XPO5: variants seen among roughly 807,000 people sequenced by gnomAD.
The protein encoded by XPO5 is exportin 5.
XPO5 carries 46 observed loss-of-function variants against 160.6 expected under a neutral mutation model. The observed-to-expected ratio is 0.29, with a 90% CI of 0.23 to 0.37. The LOEUF (loss-of-function observed/expected upper bound fraction) is 0.37, where lower values mean the gene tolerates loss of function less well. XPO5 is among the 10% of genes least tolerant of loss of function. The pLI, the probability that XPO5 is intolerant of heterozygous loss-of-function variation, is 1.00. For missense variants in XPO5, 1,090 were observed against 1,463.9 expected (o/e 0.74, Z 4.17); for synonymous variants, 537 against 519.3 (o/e 1.03, Z -0.46).
chr6:43,549,614 T>G (rs1795131761), intron 16 of XPO5, 36 bp from the exon 17 acceptor site: 1 of 1,603,218 alleles, frequency 6.2e-7, no homozygotes, highest in Non-Finnish European at 8.5e-7. Flanking sequence ...GGAGCTGCTT[T>G]TAATATAATA....
At chr6:43,566,663 A>C (rs1388618852) in intron 7 of XPO5, 1 of 428,050 alleles carries the variant, frequency 2.3e-6, no homozygotes, top group Admixed American at 2.4e-5. Context: ...TACAAAAATC[A>C]GTCGGGCATG....
intron 20 of XPO5, among the ~76,000 whole-genome samples, chr6:43,535,859 A>T (rs1321825756): frequency 6.7e-6 from 1 of 149,604 alleles, no homozygotes; most frequent in African/African-American, 2.5e-5. Flanking sequence ...GCAGTGGCTC[A>T]CGCCTGTAAT....
In XPO5 at chr6:43,575,959, C is replaced by A. The variant is rs1417307228; in HGVS notation, c.-95G>T. 4 of 1,272,982 alleles carry A rather than the reference C, an allele frequency of 3.1e-6. No homozygotes were observed. Among genetic ancestry groups the A allele is most frequent in the African/African-American group, 3.1e-5 (2 of 65,478 alleles). 78.9% of individuals were successfully genotyped at this position (1,272,982 alleles called of 1,614,324 possible). The stretch of plus-strand genomic sequence containing the variant: ...GCGAGACCACCCGTTGGTACCGGGC[C>A]GCGGCGGGCGGCGGGGGTGGGAAGC... On this transcript the variant is annotated 5_prime_UTR_variant, in exon 1 of 32. Transcript: ENST00000265351.
In XPO5 at chr6:43,522,832, T is replaced by C. The variant is rs1793281277; in HGVS notation, c.*1036A>G. On this transcript the variant is annotated 3_prime_UTR_variant, in exon 32 of 32. Transcript: ENST00000265351. ...GTAATAACCTCAGGGCCAGGTCCCG[T>C]ATCCATGTCCTCTCTTTACAGGGCC... 9.5e-6 allele frequency: 3 copies of C among 314,842 alleles called. No homozygotes were observed. The highest frequency in any genetic ancestry group is 2.2e-5 in the Non-Finnish European group (3 of 136,656). The allele number at this position is 314,842 out of a possible 1,614,324, so 19.5% of individuals were successfully genotyped here.
intron 27 of XPO5, chr6:43,526,420 G>C (rs1793594909): frequency 2.0e-6 from 1 of 506,936 alleles, no homozygotes. Context: ...GACGATCTCT[G>C]GGAAGAGGTG....
intron 9 of XPO5, 102 bp downstream of exon 9, chr6:43,562,145 G>C: frequency 1.2e-6 from 1 of 840,790 alleles, no homozygotes; most frequent in Non-Finnish European, 1.9e-6. Context: ...TGCCCCATCA[G>C]GCTAAAATCA....
chr6:43,561,709 CCTCT>C (rs1762427645), intron 9 of XPO5: 1 of 153,136 alleles, frequency 6.5e-6, no homozygotes, highest in South Asian at 2.1e-4. Flanking sequence ...CTGAAACTAT[CCTCT>C]CTAACCATTT....
At position 43,549,922 on chromosome 6, in the gene XPO5, C is replaced by T. The variant is rs1795146437; in HGVS notation, c.1741G>A (p.Val581Ile). 1 of 1,612,070 alleles carries T rather than the reference C, an allele frequency of 6.2e-7. No homozygotes were observed. The highest frequency in any genetic ancestry group is 1.7e-5 in the Admixed American group (1 of 59,734). ...PQVFSKLFSS[V>I]TFETVEESKA... ...CTTTCTTCAACAGTTTCAAAAGTGA[C>T]AGATGAAAATAGCTAAGGGAGAGGA... Residue 581 changes from valine (V) to isoleucine (I), a missense_variant, in exon 16 of 32, where the codon GTC becomes ATC. Transcript: ENST00000265351.
chr6:43,539,667 CT>C, intron 20 of XPO5: 1 of 1,056,502 alleles, frequency 9.5e-7, no homozygotes, highest in Non-Finnish European at 1.4e-6. Flanking sequence ...CCACCAGGGC[CT>C]CCAGGCCCCC....
rs1793982947 is a variant in XPO5, at chr6:43,531,590, G to A, written c.2444-15C>T. The A allele has an allele frequency of 1.2e-6, 2 of 1,603,666 alleles. No homozygotes were observed. Among genetic ancestry groups the A allele is most frequent in the African/African-American group, 1.3e-5 (1 of 74,668 alleles). On this transcript the variant is annotated splice_polypyrimidine_tract_variant and intron_variant, in intron 21 of 31. Transcript: ENST00000265351. ...TTGAGGTAATCCTACAGGGAAATAC[G>A]GGTCAAGAACATGATGCTCCACTGT...
chr6:43,531,436 A>G lies in XPO5; in HGVS notation c.2540+43T>C, dbSNP rs201255963. ...ACCCATGGACATTCCTATACAATAC[A>G]TATCGAGGAAGAAAATATGGAGAGG... On this transcript the variant is annotated intron_variant, in intron 22 of 31. Coordinates refer to ENST00000265351, the MANE Select transcript of XPO5 (RefSeq NM_020750.3). The G allele has an allele frequency of 5.4e-4, 838 of 1,556,162 alleles. 3 individuals are homozygous for G. The African/African-American group carries it at 0.01, about 19-fold the overall frequency.
intron 20 of XPO5, chr6:43,538,888 G>A: frequency 1.6e-6 from 2 of 1,279,718 alleles, no homozygotes; most frequent in South Asian, 1.2e-5. Flanking sequence ...TCTTGACGAG[G>A]TGGTCAGTGA....
intron 20 of XPO5, among the ~76,000 whole-genome samples, chr6:43,537,410 G>A (rs1794406144): frequency 6.6e-6 from 1 of 152,080 alleles, no homozygotes; most frequent in Non-Finnish European, 1.5e-5. Flanking sequence ...AACTGAACTG[G>A]TATGAGGTCA....
chr6:43,543,182 T>C (rs986524813), intron 20 of XPO5, among the ~76,000 whole-genome samples: 2 of 152,172 alleles, frequency 1.3e-5, no homozygotes, highest in Non-Finnish European at 2.9e-5. Context: ...GTCAGAATAG[T>C]GGGCTGGGTG....
intron 11 of XPO5, among the ~76,000 whole-genome samples, chr6:43,559,644 C>T (rs941855150): frequency 6.6e-6 from 1 of 152,216 alleles, no homozygotes; most frequent in African/African-American, 2.4e-5. Flanking sequence ...ATTGTATGGT[C>T]ACTGCTCTTG....
chr6:43,553,302 A>G, intron 14 of XPO5, 71 bp downstream of exon 14: 3 of 1,518,544 alleles, frequency 2.0e-6, no homozygotes, highest in Non-Finnish European at 2.7e-6. Flanking sequence ...ATAGCGTCCC[A>G]AAATAGAAAG....
At chr6:43,575,428 G>A (rs985784453) in intron 1 of XPO5, among the ~76,000 whole-genome samples, 5 of 152,118 alleles carry the variant, frequency 3.3e-5, no homozygotes, top group Non-Finnish European at 7.4e-5. Context: ...AGGGGATGTC[G>A]GGCTTGGGGA....
chr6:43,562,020 G>A (rs575562142), intron 9 of XPO5: 3 of 380,726 alleles, frequency 7.9e-6, no homozygotes, highest in South Asian at 6.1e-5. Context: ...AATAATAGAC[G>A]TGGATATCTG....
Position 43,528,196 on chromosome 6 carries a change from G to A in XPO5, c.2785C>T (p.Gln929Ter). ...CTTTGGTTGATAACTTGCCATTTCT[G>A]AGAAAGCCTCTGGGAAAACACAAAG... Reference protein sequence around the residue: ...LFTYLHMRLSQKWQVINQRSL... With the variant: ...LFTYLHMRLS The change falls in exon 25 of 32, where the codon CAG (glutamine) becomes TAG (stop). Residue 929 changes from glutamine to a stop codon, truncating the protein, a stop_gained. Transcript: ENST00000265351. LOFTEE classifies it high-confidence loss of function. 6.3e-7 allele frequency: 1 copy of A among 1,593,086 alleles called. No homozygotes were observed. Among genetic ancestry groups the A allele is most frequent in the Non-Finnish European group, 8.6e-7 (1 of 1,169,324 alleles).
Sources: gnomAD v4.1 joint callset for allele counts (sites outside exome capture counted in the v4.1 genomes callset) on GRCh38, gnomAD v4.1.1 for gene constraint, MANE v1.5 for transcripts, NCBI Gene and HGNC (gene_info 2026-07-23, HGNC 2026-07-21) for gene names.